NAALADL2: variants seen among roughly 807,000 people sequenced by gnomAD.
NAALADL2 encodes inactive N-acetylated-alpha-linked acidic dipeptidase-like protein 2.
Under a neutral mutation model 87.2 loss-of-function variants are expected in NAALADL2, and 76 were observed. That is an observed-to-expected ratio of 0.87 (90% CI 0.72 to 1.05). NAALADL2 has a LOEUF of 1.05. Among genes scored for constraint, NAALADL2 ranks in the 50% least tolerant of loss-of-function variants. The pLI, the probability that NAALADL2 is intolerant of heterozygous loss-of-function variation, is 0.00. For synonymous variants in NAALADL2, 354 were observed against 331.0 expected, an observed-to-expected ratio of 1.07 and a Z score of -0.75; for missense variants, 1,089 against 945.8, an observed-to-expected ratio of 1.15 and a Z score of -1.99.
intron 13 of NAALADL2, among the ~76,000 whole-genome samples, chr3:175,783,367 C>G (rs1751434213): frequency 6.6e-6 from 1 of 151,272 alleles, no homozygotes; most frequent in Non-Finnish European, 1.5e-5. Context: ...TTGTTTGTAT[C>G]CTCTTTTATT....
chr3:174,754,178 T>G (rs932976689), intron 3 of NAALADL2, among the ~76,000 whole-genome samples: 3 of 152,224 alleles, frequency 2.0e-5, no homozygotes, highest in African/African-American at 7.2e-5. Context: ...TTGTAGTTAT[T>G]ACCTTGGTAG....
At chr3:174,704,695 A>T (rs193244006) in intron 2 of NAALADL2, among the ~76,000 whole-genome samples, 55 of 149,204 alleles carry the variant, frequency 3.7e-4, no homozygotes, top group African/African-American at 1.0e-3. Flanking sequence ...GAAAATAGAT[A>T]AAAAAAAACT....
chr3:175,178,430 C>G (rs1735996034), intron 2 of NAALADL2, among the ~76,000 whole-genome samples: 1 of 151,888 alleles, frequency 6.6e-6, no homozygotes, highest in African/African-American at 2.4e-5. Flanking sequence ...TTATGTGTAG[C>G]AAAATTGAGA....
intron 2 of NAALADL2, among the ~76,000 whole-genome samples, chr3:174,598,140 C>T (rs911218914): frequency 6.6e-6 from 1 of 152,012 alleles, no homozygotes; most frequent in Admixed American, 6.6e-5. Flanking sequence ...GTATTTCATT[C>T]TGAAAAAGTT....
chr3:174,753,358 G>A (rs1362856667), intron 3 of NAALADL2, among the ~76,000 whole-genome samples: 6 of 152,220 alleles, frequency 3.9e-5, no homozygotes, highest in African/African-American at 1.4e-4. Flanking sequence ...TTACAGGCAT[G>A]AGCCACTGCT....
At chr3:174,666,255 G>C (rs1578476572) in intron 2 of NAALADL2, among the ~76,000 whole-genome samples, 1 of 152,058 alleles carries the variant, frequency 6.6e-6, no homozygotes, top group African/African-American at 2.4e-5. Context: ...CATTGAGCTA[G>C]GCCTGTGCAG....
At chr3:175,011,280 C>CAGAGAGAGAGAG (rs139229550) in intron 1 of NAALADL2, among the ~76,000 whole-genome samples, 3 of 113,554 alleles carry the variant, frequency 2.6e-5, no homozygotes, top group African/African-American at 4.7e-5. Flanking sequence ...GACAGAGAGA[C>CAGAGAGAGAGAG]AGAGAGAGAG....
At chr3:175,313,669 C>G (rs915249887) in intron 4 of NAALADL2, among the ~76,000 whole-genome samples, 1 of 152,164 alleles carries the variant, frequency 6.6e-6, no homozygotes, top group Admixed American at 6.5e-5. Context: ...AATAAGTAGA[C>G]TGCCCAAATG....
At chr3:175,084,096 G>C (rs1309187554) in intron 1 of NAALADL2, among the ~76,000 whole-genome samples, 2 of 152,134 alleles carry the variant, frequency 1.3e-5, no homozygotes, top group African/African-American at 4.8e-5. Flanking sequence ...TTTTATGTTG[G>C]TGCAGAATAG....
intron 11 of NAALADL2, among the ~76,000 whole-genome samples, chr3:175,707,485 A>G (rs1447439568): frequency 1.3e-5 from 2 of 151,890 alleles, no homozygotes; most frequent in Admixed American, 1.3e-4. Flanking sequence ...CACCTTTCTC[A>G]TCATCAACTT....
Position 175,772,267 on chromosome 3 carries a change from AT to A in NAALADL2, c.2189+16860del, listed in dbSNP as rs750556611. On this transcript the variant is annotated intron_variant, in intron 13 of 13. Coordinates refer to ENST00000454872, the MANE Select transcript of NAALADL2 (RefSeq NM_207015.3). ...TGTGCTAGTTTATTCAGCTTTATTT[AT>A]TTTTTTTTTTGTTGCAATCCCAACC... Among the ~76,000 whole-genome samples the A allele has an allele frequency of 5.4e-3, 785 of 145,430 alleles. 7 individuals are homozygous for A. The highest frequency in any genetic ancestry group is 0.013 in the African/African-American group (516 of 39,876).
At chr3:174,587,970 C>G (rs1716915227) in intron 2 of NAALADL2, among the ~76,000 whole-genome samples, 1 of 152,048 alleles carries the variant, frequency 6.6e-6, no homozygotes, top group Non-Finnish European at 1.5e-5. Flanking sequence ...CTGAGTTTTC[C>G]AACTTGGTTC....
At chr3:174,800,115 A>G (rs1010007133) in intron 3 of NAALADL2, among the ~76,000 whole-genome samples, 1 of 152,176 alleles carries the variant, frequency 6.6e-6, no homozygotes, top group Admixed American at 6.5e-5. Flanking sequence ...GCAGCCTGAC[A>G]ATGTGATAGA....
rs114707590 is a variant in NAALADL2 at position 174,801,569 on chromosome 3, T to C, written c.-9+63823T>C. ...TGCTCTTGATCTTGGAGAAAAGCAT[T>C]TGGTTTATCATTATGTATGATAATA... On this transcript the variant is annotated intron_variant, in intron 3 of 3. Coordinates refer to the NAALADL2 transcript ENST00000434257. Among the ~76,000 whole-genome samples the C allele has an allele frequency of 6.6e-3, 1,005 of 152,268 alleles. 11 individuals are homozygous for C. Among genetic ancestry groups the C allele is most frequent in the African/African-American group, 0.023 (959 of 41,550 alleles).
At chr3:175,761,372 A>G (rs1021080018) in intron 13 of NAALADL2, among the ~76,000 whole-genome samples, 17 of 152,068 alleles carry the variant, frequency 1.1e-4, no homozygotes, top group African/African-American at 3.4e-4. Context: ...CTCCGTGTTC[A>G]TTTCTTTTTA....
chr3:174,869,945 G>T (rs1170553342), intron 1 of NAALADL2, among the ~76,000 whole-genome samples: 1 of 144,158 alleles, frequency 6.9e-6, no homozygotes, highest in Non-Finnish European at 1.5e-5. Flanking sequence ...CCAGTGGGCC[G>T]AGATCACGCC....
intron 3 of NAALADL2, among the ~76,000 whole-genome samples, chr3:174,803,919 G>C (rs1181151283): frequency 6.6e-6 from 1 of 152,080 alleles, no homozygotes; most frequent in Admixed American, 6.6e-5. Flanking sequence ...CTCTAGCTTT[G>C]TTCTTTTGCT....
At chr3:175,360,810 C>CTGGG (rs752068393) in intron 5 of NAALADL2, among the ~76,000 whole-genome samples, 1 of 109,786 alleles carries the variant, frequency 9.1e-6, no homozygotes, top group Non-Finnish European at 1.8e-5. Context: ...TAATATTCCA[C>CTGGG]TGTGTGTGTG....
intron 2 of NAALADL2, among the ~76,000 whole-genome samples, chr3:174,616,915 C>T (rs1342602268): frequency 2.6e-5 from 4 of 151,632 alleles, no homozygotes; most frequent in African/African-American, 4.8e-5. Context: ...ATTATGTATA[C>T]TTATATATAC....
Sources: gnomAD v4.1 joint callset for allele counts (sites outside exome capture counted in the v4.1 genomes callset) on GRCh38, gnomAD v4.1.1 for gene constraint, MANE v1.5 for transcripts, NCBI Gene and HGNC (gene_info 2026-07-23, HGNC 2026-07-21) for gene names.